The following SLC10A2 variants were observed in gnomAD, a reference collection of about 807,000 sequenced individuals.
The protein encoded by SLC10A2 is solute carrier family 10 member 2.
SLC10A2 carries 34 observed loss-of-function variants against 27.1 expected under a neutral mutation model. That is an observed-to-expected ratio of 1.26 (90% CI 0.96 to 1.67). SLC10A2 has a LOEUF of 1.67. Among genes scored for constraint, SLC10A2 ranks in the 40% most tolerant of loss-of-function variants. The pLI is 0.00. For missense variants in SLC10A2, 530 were observed against 444.4 expected (o/e 1.19, Z -1.73); for synonymous variants, 205 against 174.0 (o/e 1.18, Z -1.40).
rs562505096 is a variant in SLC10A2 at position 103,051,146 on chromosome 13, T to C, written c.761+111A>G. ...CTCTGAAACCATGAGACAATAAGTG[T>C]CTGTTGTTTAAGCCACTCAGTTTGT... On this transcript the variant is annotated intron_variant, in intron 4 of 5. Coordinates refer to ENST00000245312, the MANE Select transcript of SLC10A2 (RefSeq NM_000452.3). 16 of 1,002,536 alleles carry C rather than the reference T, an allele frequency of 1.6e-5. No homozygotes were observed. The East Asian group carries it at 3.9e-4, about 24-fold the overall frequency. 62.1% of individuals were successfully genotyped at this position (1,002,536 alleles called of 1,614,324 possible). A position where few individuals can be genotyped will look rare whatever the true frequency, so the allele number is the denominator to read the frequency against.
intron 5 of SLC10A2, among the ~76,000 whole-genome samples, chr13:103,047,484 T>A (rs1875645703): frequency 6.6e-6 from 1 of 151,944 alleles, no homozygotes; most frequent in South Asian, 2.1e-4. Context: ...CTCTTGTTTA[T>A]CCCTTTTTCT....
At chr13:103,049,164 G>T in intron 5 of SLC10A2, 125 bp downstream of exon 5, 1 of 969,740 alleles carries the variant, frequency 1.0e-6, no homozygotes, top group Non-Finnish European at 1.6e-6. Context: ...TATGACGGTG[G>T]CTTTTTCCTC....
chr13:103,048,812 T>A (rs993977191), intron 5 of SLC10A2, among the ~76,000 whole-genome samples: 7 of 152,186 alleles, frequency 4.6e-5, no homozygotes, highest in Admixed American at 2.0e-4. Context: ...GTATTTAAAA[T>A]ATATATATAC....
chr13:103,063,496 A>AGAT (rs1876188393), intron 1 of SLC10A2, among the ~76,000 whole-genome samples: 1 of 152,224 alleles, frequency 6.6e-6, no homozygotes, highest in South Asian at 2.1e-4. Context: ...TATAAATGTT[A>AGAT]GATAGGATTG....
intron 5 of SLC10A2, among the ~76,000 whole-genome samples, chr13:103,046,707 A>G (rs1235036866): frequency 6.6e-6 from 1 of 152,166 alleles, no homozygotes; most frequent in Non-Finnish European, 1.5e-5. Context: ...CCCTGCCTTC[A>G]TTCAATCTTT....
intron 2 of SLC10A2, among the ~76,000 whole-genome samples, chr13:103,054,180 A>C (rs1016315095): frequency 6.6e-6 from 1 of 151,910 alleles, no homozygotes; most frequent in Non-Finnish European, 1.5e-5. Context: ...CTGGTTGTCT[A>C]TAAGTGTGCA....
At chr13:103,053,081 G>GGT (rs143709540) in intron 2 of SLC10A2, among the ~76,000 whole-genome samples, 5,312 of 145,068 alleles carry the variant, frequency 0.037, 104 homozygotes, top group Middle Eastern at 0.1. Flanking sequence ...AGCTCACCAA[G>GGT]GTGTGTGTGT....
chr13:103,055,045 G>A (rs189589233), intron 2 of SLC10A2, among the ~76,000 whole-genome samples: 2 of 152,258 alleles, frequency 1.3e-5, no homozygotes, highest in African/African-American at 4.8e-5. Flanking sequence ...GAGAGTGGTG[G>A]TGAATGGATT....
At chr13:103,054,111 G>C (rs1261030581) in intron 2 of SLC10A2, among the ~76,000 whole-genome samples, 1 of 104,604 alleles carries the variant, frequency 9.6e-6, no homozygotes, top group East Asian at 2.6e-4. Flanking sequence ...GGAGGTGATT[G>C]AATTGTGGGG....
intron 2 of SLC10A2, among the ~76,000 whole-genome samples, chr13:103,055,309 T>C (rs1875908108): frequency 6.6e-6 from 1 of 152,152 alleles, no homozygotes; most frequent in Non-Finnish European, 1.5e-5. Context: ...GTGGTTTTAT[T>C]TTAGTGGTAC....
chr13:103,065,781 G>T lies in SLC10A2; in HGVS notation c.377+92C>A. ...GATTCCTTAGTCATACTTTAGATGC[G>T]TGGCAAATCAGTTGGACATTCAGAA... On this transcript the variant is annotated intron_variant, in intron 1 of 5. Transcript: ENST00000245312. 12 of 1,434,306 alleles carry T rather than the reference G, an allele frequency of 8.4e-6. No individual in the cohort carries two copies. In the South Asian group the frequency reaches 1.2e-4, roughly 14 times the overall value. 88.8% of individuals were successfully genotyped at this position (1,434,306 alleles called of 1,614,324 possible).
chr13:103,063,567 G>A (rs908989136), intron 1 of SLC10A2, among the ~76,000 whole-genome samples: 6 of 152,122 alleles, frequency 3.9e-5, no homozygotes, highest in African/African-American at 1.2e-4. Flanking sequence ...AGAATAAAAA[G>A]TTTTGGAAAA....
At position 103,066,096 on chromosome 13, in the gene SLC10A2, T is replaced by C; in HGVS notation, c.154A>G (p.Asn52Asp). The change falls in exon 1 of 6, where the codon AAC (asparagine) becomes GAC (aspartate). Residue 52 changes from asparagine to aspartate, a missense_variant. Coordinates refer to ENST00000245312, the MANE Select transcript of SLC10A2 (RefSeq NM_000452.3). The part of the protein sequence containing the change: ...LALVMFSMGC[N>D]VEIKKFLGHI... ...CCTAGAAATTTCTTGATTTCCACGT[T>C]GCATCCCATGGAGAACATCACCAAG... 6.2e-7 allele frequency: 1 copy of C among 1,614,020 alleles called. No homozygotes were observed.
rs1875576015 is a variant in SLC10A2, at chr13:103,045,290, A to G, written c.*843T>C. 1 of 152,210 alleles carries G rather than the reference A, an allele frequency of 6.6e-6. No homozygotes were observed. The allele number at this position is 152,210 out of a possible 1,614,324, so 9.4% of individuals were successfully genotyped here. The stretch of plus-strand genomic sequence containing the variant: ...GGTCCCTGTCAACTGACTAGCTGTC[A>G]TATTAGCTATGTGGATCCACTGCAC... On this transcript the variant is annotated 3_prime_UTR_variant, in exon 6 of 6. Transcript: ENST00000245312.
chr13:103,059,317 C>G (rs567925388), intron 1 of SLC10A2, among the ~76,000 whole-genome samples: 2 of 152,186 alleles, frequency 1.3e-5, no homozygotes, highest in East Asian at 3.9e-4. Flanking sequence ...TCATTGTTTT[C>G]TTGGAATCTA....
At chr13:103,064,067 A>G (rs1876204302) in intron 1 of SLC10A2, among the ~76,000 whole-genome samples, 1 of 152,214 alleles carries the variant, frequency 6.6e-6, no homozygotes, top group African/African-American at 2.4e-5. Flanking sequence ...AGGAGCATTT[A>G]TGAGATTAAG....
Position 103,046,170 on chromosome 13 carries a change from T to A in SLC10A2, c.1010A>T (p.Tyr337Phe). ...AGGTTGAAATCCTCCATTTGCCTTA[T>A]AAAACGATGACTCTGGCTCCGTTCC... ...ENGTEPESSFYKANGGFQPDE... is the reference protein window; with the variant it reads ...ENGTEPESSFFKANGGFQPDE... Residue 337 changes from tyrosine to phenylalanine, a missense_variant, in exon 6 of 6, where the codon TAT becomes TTT. Transcript: ENST00000245312. The A allele has an allele frequency of 6.2e-7, 1 of 1,614,032 alleles. No homozygotes were observed. Among genetic ancestry groups the A allele is most frequent in the African/African-American group, 1.3e-5 (1 of 75,048 alleles).
intron 1 of SLC10A2, among the ~76,000 whole-genome samples, chr13:103,060,619 G>T (rs544383870): frequency 1.3e-5 from 2 of 152,022 alleles, no homozygotes; most frequent in South Asian, 2.1e-4. Flanking sequence ...CAGGTGATCC[G>T]CTCGCCTAGG....
rs200002700 is a variant in SLC10A2, at chr13:103,058,313, G to C, written c.447C>G (p.Thr149=). 6.2e-7 allele frequency: 1 copy of C among 1,613,486 alleles called. No homozygotes were observed. Among genetic ancestry groups the C allele is most frequent in the Non-Finnish European group, 8.5e-7 (1 of 1,179,496 alleles). Residue 149 remains threonine (T), a synonymous_variant, in exon 2 of 6, where the codon ACC becomes ACG. Transcript: ENST00000245312. ...GMMPLCLLIY[T]KMWVDSGSIV... is the part of the protein sequence containing the mutation. The stretch of plus-strand genomic sequence containing the variant: ...TGCTCCCAGAGTCGACCCACATTTT[G>C]GTATAGATAAGGAGGCACAGCGGCA...
Sources: gnomAD v4.1 joint callset for allele counts (sites outside exome capture counted in the v4.1 genomes callset) on GRCh38, gnomAD v4.1.1 for gene constraint, MANE v1.5 for transcripts, NCBI Gene and HGNC (gene_info 2026-07-23, HGNC 2026-07-21) for gene names.